Variants in MARCHF1 observed in about 807,000 individuals in gnomAD.
The protein encoded by MARCHF1 is E3 ubiquitin-protein ligase MARCHF1.
A neutral mutation model predicts 54.2 loss-of-function variants in MARCHF1; 40 were observed. That is an observed-to-expected ratio of 0.74 (90% CI 0.57 to 0.96). The LOEUF is 0.96. Among genes scored for constraint, MARCHF1 ranks in the 40% least tolerant of loss-of-function variants. MARCHF1 has a pLI of 0.00. For missense variants in MARCHF1, 586 were observed against 656.5 expected (o/e 0.89, Z 1.17); for synonymous variants, 236 against 236.3 (o/e 1.00, Z 0.01).
intron 2 of MARCHF1, among the ~76,000 whole-genome samples, chr4:164,096,357 C>T (rs965651402): frequency 6.6e-6 from 1 of 152,036 alleles, no homozygotes; most frequent in Admixed American, 6.6e-5. Context: ...TAAATGGAAG[C>T]TAAATCTTGG....
chr4:164,076,211 G>A (rs779302383), intron 2 of MARCHF1, among the ~76,000 whole-genome samples: 8 of 151,918 alleles, frequency 5.3e-5, no homozygotes, highest in Admixed American at 2.0e-4. Context: ...TTGGAATCAA[G>A]TACATTAGAA....
At chr4:164,049,468 A>G (rs1754311405) in intron 2 of MARCHF1, among the ~76,000 whole-genome samples, 1 of 152,116 alleles carries the variant, frequency 6.6e-6, no homozygotes, top group South Asian at 2.1e-4. Flanking sequence ...ATGATACTTG[A>G]GATCAGAGAG....
At chr4:163,832,679 G>A (rs1438317832) in intron 4 of MARCHF1, among the ~76,000 whole-genome samples, 1 of 150,816 alleles carries the variant, frequency 6.6e-6, no homozygotes, top group Non-Finnish European at 1.5e-5. Flanking sequence ...ATGTTGGTGT[G>A]TTGCACCCAT....
intron 4 of MARCHF1, among the ~76,000 whole-genome samples, chr4:163,754,259 C>G (rs1746602146): frequency 6.6e-6 from 1 of 152,168 alleles, no homozygotes; most frequent in South Asian, 2.1e-4. Flanking sequence ...AATCTCCACT[C>G]TTATTGGATT....
At chr4:164,142,480 C>A (rs1175367809) in intron 1 of MARCHF1, among the ~76,000 whole-genome samples, 1 of 152,168 alleles carries the variant, frequency 6.6e-6, no homozygotes. Flanking sequence ...GATCTGAGAA[C>A]CAGCAGACAG....
At chr4:164,075,093 A>T (rs1438007176) in intron 2 of MARCHF1, among the ~76,000 whole-genome samples, 1 of 152,166 alleles carries the variant, frequency 6.6e-6, no homozygotes, top group East Asian at 1.9e-4. Context: ...AAATCAAGAA[A>T]AGCAGCCTCT....
At chr4:163,595,854 A>C (rs991947721) in intron 7 of MARCHF1, among the ~76,000 whole-genome samples, 1 of 152,114 alleles carries the variant, frequency 6.6e-6, no homozygotes, top group Non-Finnish European at 1.5e-5. Context: ...CCTATAGTTA[A>C]CAGTAAATAC....
intron 1 of MARCHF1, among the ~76,000 whole-genome samples, chr4:164,374,329 CTTA>C (rs1351203304): frequency 2.0e-5 from 3 of 151,992 alleles, no homozygotes; most frequent in Non-Finnish European, 4.4e-5. Context: ...ATAATTCAGT[CTTA>C]TTATTACTAA....
Position 163,599,063 on chromosome 4 carries a change from C to T in MARCHF1, c.1011-13134G>A, listed in dbSNP as rs142096876. On this transcript the variant is annotated intron_variant, in intron 7 of 9. Transcript: ENST00000514618. ...CAGCACTTTGGGAGGCCAAGGCAGG[C>T]GGATCGCCTAAGGTCAGGAGTTCAA... is the stretch of plus-strand genomic sequence containing the variant. Among the ~76,000 whole-genome samples the T allele has an allele frequency of 0.017, 2,512 of 151,916 alleles. 110 individuals carry two copies. In the East Asian group the frequency reaches 0.18, roughly 11 times the overall value.
At chr4:163,776,382 A>G (rs1377834316) in intron 4 of MARCHF1, among the ~76,000 whole-genome samples, 1 of 150,850 alleles carries the variant, frequency 6.6e-6, no homozygotes, top group Non-Finnish European at 1.5e-5. Flanking sequence ...TAATTTATAA[A>G]TAATAAATAA....
At chr4:164,098,285 T>C (rs1193341106) in intron 2 of MARCHF1, among the ~76,000 whole-genome samples, 1 of 152,236 alleles carries the variant, frequency 6.6e-6, no homozygotes, top group Non-Finnish European at 1.5e-5. Context: ...TATGAAAATA[T>C]ATGTAGGTTA....
At chr4:164,250,406 G>A (rs977017443) in intron 1 of MARCHF1, among the ~76,000 whole-genome samples, 2 of 151,986 alleles carry the variant, frequency 1.3e-5, no homozygotes, top group South Asian at 2.1e-4. Flanking sequence ...TGCTCTGAAT[G>A]TGGACACTGT....
chr4:163,869,518 T>C (rs1750124765), intron 3 of MARCHF1, among the ~76,000 whole-genome samples: 2 of 152,086 alleles, frequency 1.3e-5, no homozygotes, highest in Admixed American at 1.3e-4. Flanking sequence ...CTTGCTTTTT[T>C]TGACCCCAGA....
chr4:163,872,299 A>G (rs1283951107), intron 3 of MARCHF1, among the ~76,000 whole-genome samples: 1 of 152,232 alleles, frequency 6.6e-6, no homozygotes, highest in African/African-American at 2.4e-5. Flanking sequence ...ACACTTGAAT[A>G]GGACGGAATG....
chr4:164,318,405 G>A (rs1279347252), intron 1 of MARCHF1, among the ~76,000 whole-genome samples: 2 of 152,254 alleles, frequency 1.3e-5, no homozygotes, highest in African/African-American at 4.8e-5. Flanking sequence ...GTGAAGTTCT[G>A]TAAAACGTTC....
intron 4 of MARCHF1, among the ~76,000 whole-genome samples, chr4:163,843,857 T>C (rs1316662150): frequency 1.3e-5 from 2 of 152,018 alleles, no homozygotes; most frequent in Non-Finnish European, 2.9e-5. Context: ...GTGGTTTTGA[T>C]TGGCATTTCT....
chr4:163,683,889 G>GCTCACTCACTCACTCA (rs3080980), intron 5 of MARCHF1, among the ~76,000 whole-genome samples: 1 of 149,022 alleles, frequency 6.7e-6, no homozygotes, highest in African/African-American at 2.5e-5. Flanking sequence ...TCATGTGGAG[G>GCTCACTCACTCACTCA]CTCACTCACT....
At chr4:163,779,358 C>A (rs777443782) in intron 4 of MARCHF1, among the ~76,000 whole-genome samples, 6 of 152,092 alleles carry the variant, frequency 3.9e-5, no homozygotes, top group Admixed American at 6.6e-5. Context: ...AGCTTCATCC[C>A]AGCTGGGAAA....
chr4:163,826,979 T>C (rs1354696933), intron 4 of MARCHF1, among the ~76,000 whole-genome samples: 1 of 152,042 alleles, frequency 6.6e-6, no homozygotes, highest in Non-Finnish European at 1.5e-5. Context: ...AAGTTTATGG[T>C]TTCCTTAAAT....
Sources: allele counts gnomAD v4.1 joint callset (sites outside exome capture counted in the v4.1 genomes callset), GRCh38; gene constraint gnomAD v4.1.1; transcripts MANE v1.5; gene names NCBI Gene and HGNC (gene_info 2026-07-23, HGNC 2026-07-21).